Variants in RUNX1 observed in about 807,000 individuals in gnomAD.
The protein encoded by RUNX1 is RUNX family transcription factor 1, also known as runt-related transcription factor 1.
RUNX1 carries 19 observed loss-of-function variants against 42.8 expected under a neutral mutation model. The observed-to-expected ratio is 0.44, with a 90% CI of 0.31 to 0.65. The LOEUF (loss-of-function observed/expected upper bound fraction) is 0.65. RUNX1 is among the 30% of genes least tolerant of loss of function. The pLI, the probability that RUNX1 is intolerant of heterozygous loss-of-function variation, is 0.07. For synonymous variants in RUNX1, 271 were observed against 289.4 expected (o/e 0.94, Z 0.64); for missense variants, 528 against 672.0 (o/e 0.79, Z 2.37).
chr21:34,831,727 CAT>C (rs923137411), intron 7 of RUNX1, among the ~76,000 whole-genome samples: 7 of 152,272 alleles, frequency 4.6e-5, no homozygotes, highest in South Asian at 2.1e-4. Flanking sequence ...GTAAATATAA[CAT>C]AGAAATTTCA....
Position 35,048,836 on chromosome 21 carries a change from A to T in RUNX1, c.58+6T>A. ...AGTAGATATTACAAGACCAGCATGT[A>T]CTCACCTCTCATGAAGCACTGTGGG... On this transcript the variant is annotated splice_donor_region_variant and intron_variant, in intron 2 of 8. Transcript: ENST00000675419. The T allele has an allele frequency of 1.9e-6, 3 of 1,602,654 alleles. No individual in the cohort carries two copies. Among genetic ancestry groups the T allele is most frequent in the Non-Finnish European group, 2.6e-6 (3 of 1,169,826 alleles).
intron 2 of RUNX1, among the ~76,000 whole-genome samples, chr21:34,982,567 C>T (rs1462877967): frequency 2.0e-5 from 3 of 151,964 alleles, no homozygotes; most frequent in Non-Finnish European, 4.4e-5. Context: ...ACTATGTTTA[C>T]TTTTTTTATT....
At chr21:35,039,159 G>A (rs761521226) in intron 2 of RUNX1, among the ~76,000 whole-genome samples, 3 of 152,202 alleles carry the variant, frequency 2.0e-5, no homozygotes, top group Non-Finnish European at 4.4e-5. Context: ...AAGGATTGTG[G>A]TATCTGAGCA....
chr21:34,870,088 T>G (rs2057716161), intron 5 of RUNX1, among the ~76,000 whole-genome samples: 1 of 152,128 alleles, frequency 6.6e-6, no homozygotes, highest in South Asian at 2.1e-4. Context: ...TATAACCCTT[T>G]CACGACCACA....
intron 2 of RUNX1, among the ~76,000 whole-genome samples, chr21:34,931,937 T>C (rs1324904638): frequency 2.0e-5 from 3 of 152,090 alleles, no homozygotes; most frequent in Admixed American, 1.3e-4. Flanking sequence ...TCTTGAGCAT[T>C]ATAGCAATAT....
chr21:35,039,700 A>C (rs1254564426), intron 2 of RUNX1, among the ~76,000 whole-genome samples: 1 of 152,186 alleles, frequency 6.6e-6, no homozygotes, highest in Non-Finnish European at 1.5e-5. Flanking sequence ...CCTTTATTTA[A>C]AAAAATGAAG....
At chr21:34,921,577 C>A (rs1460428080) in intron 2 of RUNX1, among the ~76,000 whole-genome samples, 1 of 152,166 alleles carries the variant, frequency 6.6e-6, no homozygotes, top group African/African-American at 2.4e-5. Flanking sequence ...GCGACCCATG[C>A]TGCTATGAAC....
chr21:34,821,677 C>A, intron 7 of RUNX1: 1 of 1,575,170 alleles, frequency 6.3e-7, no homozygotes, highest in East Asian at 2.3e-5. Context: ...CTTAACATCT[C>A]CAGGGTGCTG....
intron 2 of RUNX1, among the ~76,000 whole-genome samples, chr21:35,008,363 C>T (rs886267766): frequency 3.3e-5 from 5 of 152,228 alleles, no homozygotes; most frequent in African/African-American, 1.2e-4. Flanking sequence ...ATCCTCCCTC[C>T]TCCATAGCAA....
chr21:34,915,077 T>C (rs2058302068), intron 2 of RUNX1, among the ~76,000 whole-genome samples: 1 of 152,188 alleles, frequency 6.6e-6, no homozygotes, highest in African/African-American at 2.4e-5. Flanking sequence ...TTATGAGGAC[T>C]AAATGAGATA....
intron 3 of RUNX1, among the ~76,000 whole-genome samples, chr21:34,890,757 T>C (rs1170489826): frequency 2.0e-5 from 2 of 99,490 alleles, no homozygotes; most frequent in Non-Finnish European, 3.8e-5. Flanking sequence ...GTCCACTTTC[T>C]AACTCTGTCC....
chr21:35,019,912 T>C (rs1379825061), intron 2 of RUNX1, among the ~76,000 whole-genome samples: 1 of 152,156 alleles, frequency 6.6e-6, no homozygotes, highest in Non-Finnish European at 1.5e-5. Context: ...TGCTTGGTTA[T>C]AGAAATAGAA....
chr21:35,035,556 G>A (rs1057220062), intron 2 of RUNX1, among the ~76,000 whole-genome samples: 4 of 152,204 alleles, frequency 2.6e-5, no homozygotes, highest in Middle Eastern at 3.4e-3. Flanking sequence ...TGCCTATATC[G>A]TGAGGTTTTG....
At chr21:34,989,014 CT>C (rs1555912714) in intron 2 of RUNX1, among the ~76,000 whole-genome samples, 177 of 145,638 alleles carry the variant, frequency 1.2e-3, no homozygotes, top group Middle Eastern at 3.5e-3. Context: ...CTCTCTCTCT[CT>C]TTTTTTTTTT....
At chr21:34,827,816 A>G (rs889659513) in intron 7 of RUNX1, among the ~76,000 whole-genome samples, 4 of 152,224 alleles carry the variant, frequency 2.6e-5, no homozygotes, top group Non-Finnish European at 4.4e-5. Context: ...TGCAGAATAC[A>G]TGCTGTGGAA....
chr21:35,027,494 T>C (rs145868935), intron 2 of RUNX1, among the ~76,000 whole-genome samples: 11 of 152,306 alleles, frequency 7.2e-5, no homozygotes, highest in African/African-American at 1.2e-4. Flanking sequence ...GATGTGCAAA[T>C]ATTTAAACCA....
intron 6 of RUNX1, among the ~76,000 whole-genome samples, chr21:34,845,059 G>C (rs1046313827): frequency 6.6e-6 from 1 of 152,230 alleles, no homozygotes; most frequent in African/African-American, 2.4e-5. Flanking sequence ...TGTTGTCCAC[G>C]TGCCAGAAGC....
In RUNX1 at chr21:34,790,853, G is replaced by C; in HGVS notation, c.*1282C>G. On this transcript the variant is annotated 3_prime_UTR_variant, in exon 9 of 9. Transcript: ENST00000675419. ...ATTGATTTGGTTCCTATGTAAATGTGGCTCCCCTACACAGTTTACTTTGGC... is the reference window on the plus strand; with the variant it reads ...ATTGATTTGGTTCCTATGTAAATGTCGCTCCCCTACACAGTTTACTTTGGC... 1 of 233,198 alleles carries C rather than the reference G, an allele frequency of 4.3e-6. No homozygotes were observed. Among genetic ancestry groups the C allele is most frequent in the Non-Finnish European group, 8.5e-6 (1 of 118,052 alleles). 14.4% of individuals were successfully genotyped at this position (233,198 alleles called of 1,614,324 possible).
At chr21:35,002,170 T>C (rs188087714) in intron 2 of RUNX1, among the ~76,000 whole-genome samples, 26 of 151,850 alleles carry the variant, frequency 1.7e-4, no homozygotes, top group African/African-American at 6.0e-4. Flanking sequence ...AAATGCTAAC[T>C]GGCTTTTTGC....
Sources: allele counts gnomAD v4.1 joint callset (sites outside exome capture counted in the v4.1 genomes callset), GRCh38; gene constraint gnomAD v4.1.1; transcripts MANE v1.5; gene names NCBI Gene and HGNC (gene_info 2026-07-23, HGNC 2026-07-21).